Variants in PKIA observed in about 807,000 individuals in gnomAD.
PKIA encodes cAMP-dependent protein kinase inhibitor alpha.
A neutral mutation model predicts 7.6 loss-of-function variants in PKIA; 4 were observed. The ratio of observed to expected loss-of-function variants is 0.52; its 90% CI spans 0.26 to 1.20. PKIA has a LOEUF of 1.20. Among genes scored for constraint, PKIA ranks in the 50% most tolerant of loss-of-function variants. PKIA has a pLI of 0.13. For missense variants in PKIA, 73 were observed against 86.2 expected (o/e 0.85, Z 0.61); for synonymous variants, 21 against 30.7 (o/e 0.68, Z 1.04).
At chr8:78,565,739 A>G (rs1807396494) in intron 1 of PKIA, among the ~76,000 whole-genome samples, 2 of 151,670 alleles carry the variant, frequency 1.3e-5, no homozygotes, top group South Asian at 4.2e-4. Context: ...AGTTTCTTTT[A>G]CAGGACCAGA....
intron 2 of PKIA, among the ~76,000 whole-genome samples, chr8:78,585,240 G>A (rs978241342): frequency 6.6e-6 from 1 of 151,298 alleles, no homozygotes; most frequent in Non-Finnish European, 1.5e-5. Context: ...TATATATATG[G>A]GTATATTTCT....
At chr8:78,594,152 G>A (rs1039966191) in intron 2 of PKIA, among the ~76,000 whole-genome samples, 1 of 152,066 alleles carries the variant, frequency 6.6e-6, no homozygotes, top group Non-Finnish European at 1.5e-5. Context: ...CCTTTAGATC[G>A]CTACCTGAAG....
intron 1 of PKIA, among the ~76,000 whole-genome samples, chr8:78,540,400 G>A (rs1806652270): frequency 6.6e-6 from 1 of 152,048 alleles, no homozygotes; most frequent in African/African-American, 2.4e-5. Context: ...AGCTTCTTAT[G>A]ATTGTGTGTA....
chr8:78,548,076 A>T (rs1166777482), intron 1 of PKIA, among the ~76,000 whole-genome samples: 7 of 152,122 alleles, frequency 4.6e-5, no homozygotes, highest in Admixed American at 3.3e-4. Context: ...AAGTTTTAAA[A>T]AATATTAGAA....
intron 2 of PKIA, among the ~76,000 whole-genome samples, chr8:78,587,577 T>G (rs1402339956): frequency 6.6e-6 from 1 of 152,200 alleles, no homozygotes; most frequent in Non-Finnish European, 1.5e-5. Flanking sequence ...AAATATTAAA[T>G]ATATGATATA....
intron 3 of PKIA, among the ~76,000 whole-genome samples, chr8:78,600,649 G>T (rs142724171): frequency 9.2e-5 from 14 of 152,164 alleles, no homozygotes; most frequent in African/African-American, 3.1e-4. Context: ...CACATCATGC[G>T]AGCCTCTCAC....
intron 2 of PKIA, among the ~76,000 whole-genome samples, chr8:78,591,949 T>C (rs1007573850): frequency 6.6e-6 from 1 of 152,166 alleles, no homozygotes; most frequent in Non-Finnish European, 1.5e-5. Context: ...TTGACTCTTT[T>C]TGAATTTTGT....
At chr8:78,565,291 A>G (rs1410372945) in intron 1 of PKIA, among the ~76,000 whole-genome samples, 1 of 151,886 alleles carries the variant, frequency 6.6e-6, no homozygotes, top group African/African-American at 2.4e-5. Context: ...TTTCATTTTT[A>G]TTCATTATCC....
At chr8:78,597,401 G>A (rs114915946) in intron 2 of PKIA, among the ~76,000 whole-genome samples, 1,584 of 152,250 alleles carry the variant, frequency 0.01, 28 homozygotes, top group African/African-American at 0.035. Flanking sequence ...CAAGGGGAAC[G>A]TGGGGAGCTG....
At chr8:78,536,859 T>TAC (rs58547049) in intron 1 of PKIA, among the ~76,000 whole-genome samples, 10,924 of 135,914 alleles carry the variant, frequency 0.08, 424 homozygotes, top group East Asian at 0.11. Context: ...CTAGAAAACA[T>TAC]ACACACACAC....
chr8:78,524,552 A>C (rs570118779), intron 1 of PKIA, among the ~76,000 whole-genome samples: 1 of 151,874 alleles, frequency 6.6e-6, no homozygotes. Context: ...CCTAATAATC[A>C]GTAAAAAAGA....
At chr8:78,529,448 TAAGTAAA>T (rs1250674999) in intron 1 of PKIA, among the ~76,000 whole-genome samples, 2 of 152,090 alleles carry the variant, frequency 1.3e-5, no homozygotes, top group African/African-American at 4.8e-5. Flanking sequence ...CCACTTCACT[TAAGTAAA>T]AGAAAGTTTT....
In PKIA at chr8:78,588,989, A is replaced by C. The variant is rs569888230; in HGVS notation, c.-27-9369A>C. 6.6e-5 allele frequency among the ~76,000 whole-genome samples: 10 copies of C among 152,266 alleles called. No individual in the cohort carries two copies. The South Asian group carries it at 2.1e-3, about 32-fold the overall frequency. ...ATTTTATAACAGGGAAGATGTAAGCAATTTGCAAAGTGTTAAAGAAGTAGC... is the reference window on the plus strand; with the variant it reads ...ATTTTATAACAGGGAAGATGTAAGCCATTTGCAAAGTGTTAAAGAAGTAGC... On this transcript the variant is annotated intron_variant, in intron 2 of 3. Transcript: ENST00000396418.
intron 1 of PKIA, chr8:78,556,695 G>C (rs903762652): frequency 3.9e-5 from 6 of 152,030 alleles, no homozygotes; most frequent in African/African-American, 1.4e-4. Flanking sequence ...CTTTGTTTGA[G>C]TTTTACATTT....
At chr8:78,570,013 G>A (rs1334092201) in intron 1 of PKIA, among the ~76,000 whole-genome samples, 1 of 152,094 alleles carries the variant, frequency 6.6e-6, no homozygotes, top group Non-Finnish European at 1.5e-5. Context: ...TAGTGAAGAA[G>A]TGGGTAGGAA....
At chr8:78,520,495 T>A (rs937449953) in intron 1 of PKIA, among the ~76,000 whole-genome samples, 2 of 152,176 alleles carry the variant, frequency 1.3e-5, no homozygotes, top group Non-Finnish European at 2.9e-5. Flanking sequence ...ATGTTTATAC[T>A]ATATGTGAAT....
chr8:78,516,699 G>A (rs1299645391), intron 1 of PKIA, among the ~76,000 whole-genome samples: 1 of 152,228 alleles, frequency 6.6e-6, no homozygotes, highest in African/African-American at 2.4e-5. Context: ...TCTTTTGAAC[G>A]TGATCTACCA....
chr8:78,552,829 G>T (rs1020720717), intron 1 of PKIA, among the ~76,000 whole-genome samples: 1 of 151,762 alleles, frequency 6.6e-6, no homozygotes, highest in African/African-American at 2.4e-5. Context: ...ACTTAAAAAA[G>T]ATTGTTTATC....
intron 1 of PKIA, among the ~76,000 whole-genome samples, chr8:78,540,224 G>C (rs1371123837): frequency 6.6e-6 from 1 of 151,966 alleles, no homozygotes; most frequent in African/African-American, 2.4e-5. Flanking sequence ...GGTCTCGAGG[G>C]TGCCAGCTCC....
Sources: allele counts gnomAD v4.1 joint callset (sites outside exome capture counted in the v4.1 genomes callset), GRCh38; gene constraint gnomAD v4.1.1; transcripts MANE v1.5; gene names NCBI Gene and HGNC (gene_info 2026-07-23, HGNC 2026-07-21).